The following DGKD variants were observed in gnomAD, a reference collection of about 807,000 sequenced individuals.
DGKD encodes DAG kinase delta.
In DGKD, 68 loss-of-function variants were observed where a neutral mutation model predicts 154.4. The ratio of observed to expected loss-of-function variants is 0.44; its 90% confidence interval spans 0.36 to 0.54. DGKD has a LOEUF of 0.54. Ranked by LOEUF, DGKD falls within the 20% of genes least tolerant of loss-of-function variation. DGKD has a pLI of 0.00. For synonymous variants in DGKD, 693 were observed against 638.0 expected (o/e 1.09, Z -1.30); for missense variants, 1,343 against 1,593.6 (o/e 0.84, Z 2.68).
At chr2:233,427,977 G>A (rs969265348) in intron 3 of DGKD, among the ~76,000 whole-genome samples, 10 of 152,170 alleles carry the variant, frequency 6.6e-5, no homozygotes, top group African/African-American at 2.4e-4. Context: ...TCTCGCCTGG[G>A]TCCTTCCTAC....
At position 233,469,469 on chromosome 2, in the gene DGKD, C is replaced by T. The variant is rs776263762; in HGVS notation, c.*9C>T. ...CCGCCGTCGAGGCCTAGCCTCTGTCCTCTCAGCCTGTGGCCTCCACATCCC... is the reference window on the plus strand; with the variant it reads ...CCGCCGTCGAGGCCTAGCCTCTGTCTTCTCAGCCTGTGGCCTCCACATCCC... On this transcript the variant is annotated 3_prime_UTR_variant, in exon 30 of 30. Coordinates refer to ENST00000264057, the MANE Select transcript of DGKD (RefSeq NM_152879.3). The T allele has an allele frequency of 1.9e-6, 3 of 1,589,056 alleles. No homozygotes were observed. The South Asian group carries it at 3.4e-5, about 18-fold the overall frequency.
intron 3 of DGKD, among the ~76,000 whole-genome samples, chr2:233,425,394 A>G (rs2062260950): frequency 6.6e-6 from 1 of 152,066 alleles, no homozygotes; most frequent in South Asian, 2.1e-4. Flanking sequence ...TCACTGTGTT[A>G]GCCAGGATGG....
In DGKD at chr2:233,449,223, G is replaced by T; in HGVS notation, c.1735G>T (p.Gly579Trp). Residue 579 changes from glycine (G) to tryptophan (W), a missense_variant, in exon 15 of 30, where the codon GGG becomes TGG. Around this residue, in one of 6 missense-constraint regions of DGKD, gnomAD observed 409 missense variants for 446.0 expected, o/e 0.92. Transcript: ENST00000264057. This position sits in a 1 kb window ranked among gnomAD's most constrained non-coding sequence, Gnocchi z 5.3. ...TIAEEAEDGD[G>W]SGSICGSTGD... ...TGCCGAGGAGGCTGAAGATGGAGAT[G>T]GGTCGGGCAGCATCTGCGGTTCCAC... The T allele has an allele frequency of 6.2e-7, 1 of 1,613,916 alleles. No homozygotes were observed. Among genetic ancestry groups the T allele is most frequent in the Non-Finnish European group, 8.5e-7 (1 of 1,180,002 alleles).
intron 3 of DGKD, among the ~76,000 whole-genome samples, chr2:233,402,984 A>G (rs2061594811): frequency 6.6e-6 from 1 of 152,132 alleles, no homozygotes; most frequent in East Asian, 1.9e-4. Flanking sequence ...AGAAGGTACA[A>G]AGTACAGTTA....
rs982988618 is a variant in DGKD at position 233,438,606 on chromosome 2, G to T, written c.1085+227G>T. ...TGTGCACACACGTACATACATCCAT[G>T]TACACACACCCATGCACGTGCATCT... On this transcript the variant is annotated intron_variant, in intron 9 of 29. Transcript: ENST00000264057. The surrounding 1 kb of genome is among the most constrained non-coding windows in gnomAD (Gnocchi z 4.1). Among the ~76,000 whole-genome samples, 2 of 152,130 alleles carry T rather than the reference G, an allele frequency of 1.3e-5. No homozygotes were observed. The highest frequency in any genetic ancestry group is 4.8e-5 in the African/African-American group (2 of 41,416).
chr2:233,434,674 T>A, intron 4 of DGKD, 95 bp from the exon 5 acceptor site: 2 of 1,550,498 alleles, frequency 1.3e-6, no homozygotes, highest in South Asian at 2.4e-5. Context: ...CCTCCTCTCC[T>A]CTCTTGGATA....
intron 1 of DGKD, among the ~76,000 whole-genome samples, chr2:233,357,410 GCAGTGCT>G (rs1701576000): frequency 6.6e-6 from 1 of 152,142 alleles, no homozygotes; most frequent in Admixed American, 6.6e-5. Flanking sequence ...ATGTCTTAGG[GCAGTGCT>G]CCTCAAATTT....
At chr2:233,367,840 CTTTTT>C (rs1409097749) in intron 1 of DGKD, among the ~76,000 whole-genome samples, 1 of 132,814 alleles carries the variant, frequency 7.5e-6, no homozygotes, top group South Asian at 2.5e-4. Context: ...TTTTCTTCCT[CTTTTT>C]TTTTTCTTTT....
At chr2:233,400,349 G>T (rs1025246871) in intron 3 of DGKD, among the ~76,000 whole-genome samples, 8 of 152,224 alleles carry the variant, frequency 5.3e-5, no homozygotes, top group Non-Finnish European at 1.2e-4. Context: ...CCCTCGGAGG[G>T]CAGGGAGCCT....
chr2:233,394,450 C>T (rs1703859973), intron 3 of DGKD, among the ~76,000 whole-genome samples: 1 of 151,854 alleles, frequency 6.6e-6, no homozygotes, highest in Admixed American at 6.6e-5. Flanking sequence ...CGCTATGTTG[C>T]TCAGGCTGGT....
intron 1 of DGKD, among the ~76,000 whole-genome samples, chr2:233,376,269 A>G (rs1306760731): frequency 6.6e-6 from 1 of 152,248 alleles, no homozygotes; most frequent in Non-Finnish European, 1.5e-5. Context: ...AATGAAAAGT[A>G]AATCTTCCCC....
chr2:233,449,986 CGAT>C lies in DGKD; in HGVS notation c.1896_1898del (p.Asp632del), dbSNP rs2063218206. On this transcript the variant is annotated inframe_deletion, in exon 16 of 30. Coordinates refer to ENST00000264057, the MANE Select transcript of DGKD (RefSeq NM_152879.3). The surrounding 1 kb of genome is among the most constrained non-coding windows in gnomAD (Gnocchi z 5.3). The stretch of plus-strand genomic sequence containing the variant: ...GCACACACTCTCCTTGCACAGCTGT[CGAT>C]GAGCAGAATGCCCAGACCCAGGAGC... 1.3e-6 allele frequency: 2 copies of C among 1,599,224 alleles called. No homozygotes were observed. Among genetic ancestry groups the C allele is most frequent in the Non-Finnish European group, 8.5e-7 (1 of 1,172,482 alleles).
At chr2:233,426,695 T>C (rs1407107613) in intron 3 of DGKD, among the ~76,000 whole-genome samples, 2 of 152,224 alleles carry the variant, frequency 1.3e-5, no homozygotes, top group Non-Finnish European at 2.9e-5. Flanking sequence ...AGTGATGCTA[T>C]GAACATTCTC....
chr2:233,399,236 T>C (rs1433306653), intron 3 of DGKD, among the ~76,000 whole-genome samples: 6 of 152,226 alleles, frequency 3.9e-5, no homozygotes, highest in African/African-American at 1.2e-4. Context: ...CAAGGATTTT[T>C]GTCTGTTTTG....
chr2:233,360,190 C>T (rs1341583944), intron 1 of DGKD, among the ~76,000 whole-genome samples: 1 of 152,180 alleles, frequency 6.6e-6, no homozygotes, highest in Non-Finnish European at 1.5e-5. Flanking sequence ...GATTTGGCAT[C>T]TCTACCAAAT....
At chr2:233,425,047 T>A (rs2062246194) in intron 3 of DGKD, among the ~76,000 whole-genome samples, 1 of 152,238 alleles carries the variant, frequency 6.6e-6, no homozygotes, top group African/African-American at 2.4e-5. Context: ...GCAACTCATT[T>A]AGAGTAGCAA....
intron 1 of DGKD, among the ~76,000 whole-genome samples, chr2:233,360,820 A>G (rs1306541890): frequency 1.3e-5 from 2 of 152,192 alleles, no homozygotes; most frequent in African/African-American, 4.8e-5. Flanking sequence ...ATGGGAAAAT[A>G]GAGCCGGAGA....
At chr2:233,423,814 C>A (rs528799444) in intron 3 of DGKD, among the ~76,000 whole-genome samples, 13 of 152,118 alleles carry the variant, frequency 8.5e-5, no homozygotes, top group Admixed American at 2.0e-4. Flanking sequence ...CCACCCACCC[C>A]CCCAGTATCC....
At chr2:233,396,124 G>C (rs1268759427) in intron 3 of DGKD, among the ~76,000 whole-genome samples, 1 of 152,154 alleles carries the variant, frequency 6.6e-6, no homozygotes, top group Admixed American at 6.5e-5. Flanking sequence ...TGGTGTTGCA[G>C]GGGGTTGTCG....
Sources: gnomAD v4.1 joint callset for allele counts (sites outside exome capture counted in the v4.1 genomes callset) on GRCh38, gnomAD v4.1.1 for gene constraint, gnomAD v4.1.1 regional missense constraint, Gnocchi (gnomAD v3.1) non-coding constraint, MANE v1.5 for transcripts, NCBI Gene and HGNC (gene_info 2026-07-23, HGNC 2026-07-21) for gene names.